The following STK24 variants were observed in gnomAD, a reference collection of about 807,000 sequenced individuals.
The protein encoded by STK24 is serine/threonine-protein kinase 24.
Under a neutral mutation model 55.6 loss-of-function variants are expected in STK24, and 21 were observed. The ratio of observed to expected loss-of-function variants is 0.38; its 90% CI spans 0.27 to 0.54. The LOEUF is 0.54. Ranked by LOEUF, STK24 falls within the 20% of genes least tolerant of loss-of-function variation. The probability of loss-of-function intolerance (pLI) is 0.79; values close to 1 mark genes in which losing one functional copy is unlikely to be tolerated. For synonymous variants in STK24, 200 were observed against 215.2 expected (o/e 0.93, Z 0.62); for missense variants, 383 against 538.4 (o/e 0.71, Z 2.86).
chr13:98,563,475 C>A (rs1449100734), intron 1 of STK24, among the ~76,000 whole-genome samples: 5 of 152,154 alleles, frequency 3.3e-5, no homozygotes, highest in African/African-American at 9.7e-5. Context: ...AAAAAGAGCG[C>A]AAATCTCTGT....
intron 1 of STK24, among the ~76,000 whole-genome samples, chr13:98,559,410 C>T (rs1897359138): frequency 6.6e-6 from 1 of 152,204 alleles, no homozygotes; most frequent in Non-Finnish European, 1.5e-5. Flanking sequence ...TGCCTGCCGA[C>T]ATGTGAGACG....
chr13:98,546,577 C>T (rs1221170617), intron 1 of STK24, among the ~76,000 whole-genome samples: 1 of 152,210 alleles, frequency 6.6e-6, no homozygotes, highest in African/African-American at 2.4e-5. Context: ...GTCCTTCCAC[C>T]TGGTCTCGCA....
chr13:98,513,162 C>T (rs987596046), intron 2 of STK24, among the ~76,000 whole-genome samples: 3 of 152,224 alleles, frequency 2.0e-5, no homozygotes, highest in Non-Finnish European at 2.9e-5. Context: ...AGTATGGACA[C>T]GCCCTTCTCA....
At position 98,445,219 on chromosome 13, in the gene STK24, C is replaced by G. The variant is rs1320410090; in HGVS notation, c.*7954G>C. 1 of 152,254 alleles carries G rather than the reference C, an allele frequency of 6.6e-6. No homozygotes were observed. Among genetic ancestry groups the G allele is most frequent in the Non-Finnish European group, 1.5e-5 (1 of 68,062 alleles). 9.4% of individuals were successfully genotyped at this position (152,254 alleles called of 1,614,324 possible). On this transcript the variant is annotated 3_prime_UTR_variant, in exon 11 of 11. Coordinates refer to ENST00000539966, the MANE Select transcript of STK24 (RefSeq NM_001032296.4). ...TGTATTTTTTATTGTGGTAAAATAG[C>G]TATACCACAATATTGGCCAACTTAA...
chr13:98,478,169 T>C (rs4411372), intron 3 of STK24, among the ~76,000 whole-genome samples: 36,089 of 152,136 alleles, frequency 0.24, 4,605 homozygotes, highest in Non-Finnish European at 0.29. Context: ...TGTTCGCCAT[T>C]GCGACCATGC....
chr13:98,477,231 G>T (rs184632583), intron 3 of STK24, among the ~76,000 whole-genome samples: 1 of 152,342 alleles, frequency 6.6e-6, no homozygotes, highest in East Asian at 1.9e-4. Flanking sequence ...AGTGTTCATA[G>T]AATGTAGAAA....
At chr13:98,527,061 A>G (rs1320238784) in intron 1 of STK24, among the ~76,000 whole-genome samples, 1 of 152,206 alleles carries the variant, frequency 6.6e-6, no homozygotes, top group Non-Finnish European at 1.5e-5. Flanking sequence ...TTTGTTTTGT[A>G]ATTCTCATCG....
intron 2 of STK24, among the ~76,000 whole-genome samples, chr13:98,491,304 G>T (rs1028485202): frequency 2.0e-5 from 3 of 152,218 alleles, no homozygotes; most frequent in African/African-American, 7.2e-5. Context: ...GGTAGGGGGA[G>T]ATCACTGCTG....
At chr13:98,512,240 C>T (rs1895906552) in intron 2 of STK24, among the ~76,000 whole-genome samples, 1 of 152,106 alleles carries the variant, frequency 6.6e-6, no homozygotes, top group African/African-American at 2.4e-5. Context: ...CCCATACATA[C>T]ACCATACACA....
intron 2 of STK24, among the ~76,000 whole-genome samples, chr13:98,487,114 C>T (rs1894837718): frequency 6.6e-6 from 1 of 152,184 alleles, no homozygotes; most frequent in Non-Finnish European, 1.5e-5. Context: ...AAGCCTGGTA[C>T]AATGATTCAC....
chr13:98,472,108 T>C (rs1019231997), intron 5 of STK24, among the ~76,000 whole-genome samples: 1 of 151,966 alleles, frequency 6.6e-6, no homozygotes, highest in Non-Finnish European at 1.5e-5. Flanking sequence ...AGAGCGCCCT[T>C]ATCAGGCCCT....
chr13:98,453,203 A>T lies in STK24; in HGVS notation c.1266T>A (p.Ser422=), dbSNP rs371298755. The T allele has an allele frequency of 2.2e-5, 35 of 1,613,386 alleles. No individual in the cohort carries two copies. The highest frequency in any genetic ancestry group is 1.6e-4 in the Middle Eastern group (1 of 6,078). ...GGGATGAAGTTCCTCCACCACTTAG[A>T]GAGTATCTAGGGAAAAAGAGAGAGA... The part of the protein sequence containing the change: ...AQLVQRLQRY[S]LSGGGTSSH Residue 422 remains serine (S), a synonymous_variant, in exon 11 of 11, where the codon TCT becomes TCA. Coordinates refer to ENST00000539966, the MANE Select transcript of STK24 (RefSeq NM_001032296.4).
At chr13:98,535,675 C>T (rs190581941) in intron 1 of STK24, among the ~76,000 whole-genome samples, 1 of 152,168 alleles carries the variant, frequency 6.6e-6, no homozygotes, top group Non-Finnish European at 1.5e-5. Flanking sequence ...GAACACTGTC[C>T]TCATTACACA....
chr13:98,514,102 G>C (rs9584859), intron 2 of STK24, among the ~76,000 whole-genome samples: 1 of 152,154 alleles, frequency 6.6e-6, no homozygotes, highest in Non-Finnish European at 1.5e-5. Flanking sequence ...TGAGAATCAC[G>C]GTGTTTTTCT....
rs1343080348 is a variant in STK24 at position 98,452,935 on chromosome 13, TAAAA to T, written c.*234_*237del. Reference sequence around the variant, plus strand: ...TGGTTAAAATTAAAAACAAAAGTAATAAAATAAAATAAAATGATCGCTGGAAGGA... The same window carrying T: ...TGGTTAAAATTAAAAACAAAAGTAATTAAAATAAAATGATCGCTGGAAGGA... On this transcript the variant is annotated 3_prime_UTR_variant, in exon 11 of 11. Coordinates refer to ENST00000539966, the MANE Select transcript of STK24 (RefSeq NM_001032296.4). 4 of 428,054 alleles carry T rather than the reference TAAAA, an allele frequency of 9.3e-6. No individual in the cohort carries two copies. Among genetic ancestry groups the T allele is most frequent in the Non-Finnish European group, 1.6e-5 (4 of 242,654 alleles). The allele number at this position is 428,054 out of a possible 1,614,324, so 26.5% of individuals were successfully genotyped here. A position where few individuals can be genotyped will look rare whatever the true frequency, so the allele number is the denominator to read the frequency against.
chr13:98,528,058 T>G (rs1896482533), intron 1 of STK24, among the ~76,000 whole-genome samples: 1 of 151,878 alleles, frequency 6.6e-6, no homozygotes, highest in Non-Finnish European at 1.5e-5. Flanking sequence ...GAGAGAGCCG[T>G]CTCCATCAGG....
At position 98,452,906 on chromosome 13, in the gene STK24, A is replaced by G. The variant is rs186790612; in HGVS notation, c.*267T>C. 5.2e-6 allele frequency: 2 copies of G among 386,944 alleles called. No individual in the cohort carries two copies. The highest frequency in any genetic ancestry group is 2.1e-5 in the African/African-American group (1 of 48,124). 24.0% of individuals were successfully genotyped at this position (386,944 alleles called of 1,614,324 possible). ...AAAGACACTTTCCTGGAATATGTGC[A>G]CTATGGTTAAAATTAAAAACAAAAG... is the stretch of plus-strand genomic sequence containing the variant. On this transcript the variant is annotated 3_prime_UTR_variant, in exon 11 of 11. Transcript: ENST00000539966.
chr13:98,570,923 G>A (rs1897722215), intron 1 of STK24, among the ~76,000 whole-genome samples: 1 of 152,152 alleles, frequency 6.6e-6, no homozygotes, highest in Non-Finnish European at 1.5e-5. Flanking sequence ...ATAATAGAGT[G>A]CAACTTCTAT....
At chr13:98,520,205 G>A (rs770904856) in intron 1 of STK24, among the ~76,000 whole-genome samples, 3 of 152,182 alleles carry the variant, frequency 2.0e-5, no homozygotes, top group Non-Finnish European at 4.4e-5. Flanking sequence ...GTTCTCAAAG[G>A]GGGCAGTAAC....
Sources: allele counts gnomAD v4.1 joint callset (sites outside exome capture counted in the v4.1 genomes callset), GRCh38; gene constraint gnomAD v4.1.1; transcripts MANE v1.5; gene names NCBI Gene and HGNC (gene_info 2026-07-23, HGNC 2026-07-21).